Variants in TMPRSS4 observed in about 807,000 individuals in gnomAD.
The protein encoded by TMPRSS4 is transmembrane protease serine 4.
In TMPRSS4, 45 loss-of-function variants were observed where a neutral mutation model predicts 56.4. The ratio of observed to expected loss-of-function variants is 0.80; its 90% CI spans 0.63 to 1.02. The LOEUF (loss-of-function observed/expected upper bound fraction) is 1.02. Among genes scored for constraint, TMPRSS4 ranks in the 50% least tolerant of loss-of-function variants. The probability of loss-of-function intolerance (pLI) is 0.00; values close to 1 mark genes in which losing one functional copy is unlikely to be tolerated. For synonymous variants in TMPRSS4, 205 were observed against 211.0 expected, an observed-to-expected ratio of 0.97 and a Z score of 0.25; for missense variants, 546 against 556.7, an observed-to-expected ratio of 0.98 and a Z score of 0.19.
At chr11:118,111,142 C>T (rs879937721) in intron 7 of TMPRSS4, among the ~76,000 whole-genome samples, 2 of 152,178 alleles carry the variant, frequency 1.3e-5, no homozygotes, top group African/African-American at 2.4e-5. Flanking sequence ...GTGGTGGTGG[C>T]TGCCAGAAGA....
intron 1 of TMPRSS4, among the ~76,000 whole-genome samples, chr11:118,094,132 A>G (rs1946151907): frequency 6.6e-6 from 1 of 152,206 alleles, no homozygotes; most frequent in African/African-American, 2.4e-5. Flanking sequence ...ATTTGTACTC[A>G]TTTCTCTTGG....
downstream of TMPRSS4, among the ~76,000 whole-genome samples, chr11:118,123,175 G>A (rs768378786): frequency 1.3e-5 from 2 of 151,692 alleles, no homozygotes; most frequent in African/African-American, 2.4e-5. Context: ...TCATCCCACG[G>A]ATCCCTTGCT....
At chr11:118,095,100 C>T (rs1946211833) in intron 2 of TMPRSS4, 3 of 550,208 alleles carry the variant, frequency 5.5e-6, no homozygotes, top group South Asian at 4.0e-5. Flanking sequence ...AATGATTCTC[C>T]AATTCATTCA....
At chr11:118,111,236 G>C (rs1298147833) in intron 7 of TMPRSS4, among the ~76,000 whole-genome samples, 3 of 152,218 alleles carry the variant, frequency 2.0e-5, no homozygotes, top group Admixed American at 2.0e-4. Context: ...TGAAAGCCAG[G>C]TCAGTCAGTA....
chr11:118,106,346 G>A (rs1946987808), intron 5 of TMPRSS4: 1 of 152,170 alleles, frequency 6.6e-6, no homozygotes, highest in Non-Finnish European at 1.5e-5. Flanking sequence ...TCCTGGGAAT[G>A]TCCATTTCCA....
At chr11:118,093,306 G>A (rs1026945466) in intron 1 of TMPRSS4, among the ~76,000 whole-genome samples, 1 of 152,180 alleles carries the variant, frequency 6.6e-6, no homozygotes, top group African/African-American at 2.4e-5. Context: ...CTCCCAAGAG[G>A]AACAGAAAAA....
intron 1 of TMPRSS4, among the ~76,000 whole-genome samples, chr11:118,094,257 C>G (rs1946160394): frequency 6.6e-6 from 1 of 152,208 alleles, no homozygotes; most frequent in Admixed American, 6.5e-5. Flanking sequence ...TACACTCCCA[C>G]CAACAAGGTC....
intron 1 of TMPRSS4, among the ~76,000 whole-genome samples, 184 bp downstream of exon 1, chr11:118,077,489 C>T (rs1944749156): frequency 6.6e-6 from 1 of 152,236 alleles, no homozygotes; most frequent in African/African-American, 2.4e-5. Context: ...ACCTGCCTTC[C>T]TCTCTTCCTC....
chr11:118,103,188 A>T lies in TMPRSS4; in HGVS notation c.245A>T (p.Asp82Val). 2 of 1,614,228 alleles carry T rather than the reference A, an allele frequency of 1.2e-6. No individual in the cohort carries two copies. The highest frequency in any genetic ancestry group is 2.7e-5 in the African/African-American group (2 of 75,066). The change falls in exon 4 of 13, where the codon GAC (aspartate) becomes GTC (valine). Residue 82 changes from aspartate to valine, a missense_variant. Transcript: ENST00000437212. Reference protein sequence around the residue: ...PRKQLCDGELDCPLGEDEEHC... With the variant: ...PRKQLCDGELVCPLGEDEEHC... ...AAGCAGCTGTGTGACGGAGAGCTGG[A>T]CTGTCCCTTGGGGGAGGACGAGGAG...
chr11:118,082,330 G>C (rs764582203), intron 1 of TMPRSS4, among the ~76,000 whole-genome samples: 10 of 152,148 alleles, frequency 6.6e-5, no homozygotes, highest in Non-Finnish European at 1.5e-4. Flanking sequence ...GGAGGCCTAG[G>C]TGGGCGGATC....
chr11:118,103,818 C>T (rs752699630), intron 4 of TMPRSS4, among the ~76,000 whole-genome samples: 18 of 152,320 alleles, frequency 1.2e-4, no homozygotes, highest in South Asian at 4.1e-4. Flanking sequence ...CTGCCCCATG[C>T]GTGCTGCGCC....
rs375243175 is a variant in TMPRSS4, at chr11:118,090,821, A to AACACACAC, written c.4-3975_4-3968dup. ...TCACTCTGTCACACACACACACACAAACACACACACACACACACACACACA... is the reference window on the plus strand; with the variant it reads ...TCACTCTGTCACACACACACACACAAACACACACACACACACACACACACACACACACA... On this transcript the variant is annotated intron_variant, in intron 1 of 12. Transcript: ENST00000437212. Among the ~76,000 whole-genome samples, 249 of 140,426 alleles carry AACACACAC rather than the reference A, an allele frequency of 1.8e-3. 2 individuals are homozygous for AACACACAC. Among genetic ancestry groups the AACACACAC allele is most frequent in the African/African-American group, 6.2e-3 (236 of 38,176 alleles). The allele number at this position is 140,426 out of a possible 152,430, so 92.1% of individuals were successfully genotyped here. A position where few individuals can be genotyped will look rare whatever the true frequency, so the allele number is the denominator to read the frequency against.
chr11:118,094,786 G>A, intron 1 of TMPRSS4, 30 bp from the exon 2 acceptor site: 1 of 1,604,020 alleles, frequency 6.2e-7, no homozygotes, highest in Non-Finnish European at 8.5e-7. Context: ...GAGGCTCCCT[G>A]CCTCAACTCA....
chr11:118,089,046 G>A (rs1258623508), intron 1 of TMPRSS4, among the ~76,000 whole-genome samples: 7 of 152,070 alleles, frequency 4.6e-5, no homozygotes, highest in Non-Finnish European at 1.0e-4. Flanking sequence ...GCTCAGGATT[G>A]TTGCTTCTGG....
At chr11:118,099,445 A>AAGAG (rs1465381832) in intron 3 of TMPRSS4, among the ~76,000 whole-genome samples, 2 of 42,160 alleles carry the variant, frequency 4.7e-5, no homozygotes, top group African/African-American at 1.8e-4. Context: ...AAAAAGAAAG[A>AAGAG]AGAGAGAAAG....
intron 1 of TMPRSS4, among the ~76,000 whole-genome samples, chr11:118,092,571 T>G (rs540940784): frequency 4.6e-5 from 7 of 152,200 alleles, no homozygotes; most frequent in Non-Finnish European, 7.3e-5. Context: ...TAGAAGCAGT[T>G]TGGGGAGGGT....
At chr11:118,125,333 A>C (rs1249140360), downstream of TMPRSS4, 1 of 456,740 alleles carries the variant, frequency 2.2e-6, no homozygotes, top group Admixed American at 2.3e-5. Flanking sequence ...CCCCAGGGAC[A>C]GGTCTTGTGA....
At position 118,117,432 on chromosome 11, in the gene TMPRSS4, A is replaced by G; in HGVS notation, c.1280A>G (p.Asn427Ser). 1 of 1,613,898 alleles carries G rather than the reference A, an allele frequency of 6.2e-7. No homozygotes were observed. The highest frequency in any genetic ancestry group is 8.5e-7 in the Non-Finnish European group (1 of 1,179,892). The change falls in exon 12 of 13, where the codon AAC becomes AGC. Residue 427 changes from asparagine (N) to serine (S), a missense_variant. Transcript: ENST00000437212. ...TACACCAAGGTCTCAGCCTATCTCAACTGGATCTACAATGTCTGGAAGGTA... is the reference window on the plus strand; with the variant it reads ...TACACCAAGGTCTCAGCCTATCTCAGCTGGATCTACAATGTCTGGAAGGTA... ...GVYTKVSAYL[N>S]WIYNVWKAEL
chr11:118,083,706 C>A (rs1945328269), intron 1 of TMPRSS4, among the ~76,000 whole-genome samples: 1 of 152,104 alleles, frequency 6.6e-6, no homozygotes, highest in Admixed American at 6.5e-5. Flanking sequence ...CAGAAAGTTG[C>A]CTTACTAAAT....
Sources: allele counts gnomAD v4.1 joint callset (sites outside exome capture counted in the v4.1 genomes callset), GRCh38; gene constraint gnomAD v4.1.1; transcripts MANE v1.5; gene names NCBI Gene and HGNC (gene_info 2026-07-23, HGNC 2026-07-21).